GABRB2: variants seen among roughly 807,000 people sequenced by gnomAD.
GABRB2 encodes the protein gamma-aminobutyric acid receptor subunit beta-2.
A neutral mutation model predicts 54.7 loss-of-function variants in GABRB2; 16 were observed. That is an observed-to-expected ratio of 0.29 (90% CI 0.20 to 0.44). The LOEUF is 0.44. Among genes scored for constraint, GABRB2 ranks in the 20% least tolerant of loss-of-function variants. The pLI, the probability that GABRB2 is intolerant of heterozygous loss-of-function variation, is 1.00. For missense variants in GABRB2, 355 were observed against 644.0 expected, an observed-to-expected ratio of 0.55 and a Z score of 4.86; for synonymous variants, 244 against 233.8, an observed-to-expected ratio of 1.04 and a Z score of -0.40.
At chr5:161,504,146 A>T (rs2113385978) in intron 3 of GABRB2, among the ~76,000 whole-genome samples, 1 of 152,324 alleles carries the variant, frequency 6.6e-6, no homozygotes, top group Middle Eastern at 3.4e-3. Context: ...TGATGAATCA[A>T]GTAGACCAAA....
chr5:161,419,058 T>C (rs1756769624), intron 4 of GABRB2, among the ~76,000 whole-genome samples: 1 of 152,052 alleles, frequency 6.6e-6, no homozygotes, highest in Admixed American at 6.6e-5. Context: ...GCCTTGGAGA[T>C]CAAGGCTGCA....
chr5:161,528,184 T>C (rs961340463), intron 3 of GABRB2, among the ~76,000 whole-genome samples: 1 of 151,744 alleles, frequency 6.6e-6, no homozygotes, highest in African/African-American at 2.4e-5. Flanking sequence ...AAAATCATAT[T>C]TGAAACACAA....
chr5:161,500,984 C>T (rs749104935), intron 3 of GABRB2, among the ~76,000 whole-genome samples: 80 of 152,196 alleles, frequency 5.3e-4, no homozygotes, highest in South Asian at 1.0e-3. Context: ...TCCCTCCCCC[C>T]TCCTCCCACC....
chr5:161,364,352 G>A (rs1015046822), intron 5 of GABRB2, among the ~76,000 whole-genome samples: 15 of 152,054 alleles, frequency 9.9e-5, no homozygotes, highest in Non-Finnish European at 2.2e-4. Flanking sequence ...AAGAGTATAC[G>A]ATATAGTTTT....
chr5:161,331,193 G>T (rs1753827582), intron 7 of GABRB2, 66 bp from the exon 8 acceptor site: 18 of 1,482,162 alleles, frequency 1.2e-5, no homozygotes, highest in Non-Finnish European at 1.6e-5. Context: ...TTAATAGCTG[G>T]AAAGGTGATC....
intron 4 of GABRB2, among the ~76,000 whole-genome samples, chr5:161,426,788 C>T (rs2113161512): frequency 6.6e-6 from 1 of 152,104 alleles, no homozygotes; most frequent in African/African-American, 2.4e-5. Context: ...GAAGCACTAA[C>T]AATATTATAG....
At chr5:161,476,147 T>C (rs1016670975) in intron 3 of GABRB2, among the ~76,000 whole-genome samples, 2 of 151,818 alleles carry the variant, frequency 1.3e-5, no homozygotes, top group African/African-American at 4.8e-5. Flanking sequence ...AAACTAACGA[T>C]GAGAAATACA....
chr5:161,366,336 CTA>C (rs1307490747), intron 5 of GABRB2, among the ~76,000 whole-genome samples: 1 of 152,040 alleles, frequency 6.6e-6, no homozygotes, highest in East Asian at 1.9e-4. Flanking sequence ...CTAAGGGTTT[CTA>C]TGTTTCCATT....
intron 4 of GABRB2, among the ~76,000 whole-genome samples, chr5:161,430,079 C>T (rs759087112): frequency 6.6e-6 from 1 of 151,650 alleles, no homozygotes; most frequent in South Asian, 2.1e-4. Context: ...GTTAAGCAGC[C>T]CTTGATAAAA....
chr5:161,344,601 T>C (rs1754263778), intron 5 of GABRB2, among the ~76,000 whole-genome samples: 1 of 151,914 alleles, frequency 6.6e-6, no homozygotes, highest in African/African-American at 2.4e-5. Context: ...ATGGTTGGAG[T>C]GTAAATTAGA....
Position 161,291,915 on chromosome 5 carries a change from A to G in GABRB2, c.*2166T>C, listed in dbSNP as rs1757249069. ...TACCCCCTGTTGACAAGGGGCAGGC[A>G]CTTTACTTAGTGTGATGCCCCAAAA... On this transcript the variant is annotated 3_prime_UTR_variant, in exon 10 of 10. Coordinates refer to ENST00000393959, the MANE Select transcript of GABRB2 (RefSeq NM_001371727.1). The G allele has an allele frequency of 6.6e-6, 1 of 152,140 alleles. No homozygotes were observed. Among genetic ancestry groups the G allele is most frequent in the Admixed American group, 6.6e-5 (1 of 15,252 alleles). 9.4% of individuals were successfully genotyped at this position (152,140 alleles called of 1,614,324 possible).
intron 7 of GABRB2, among the ~76,000 whole-genome samples, chr5:161,331,513 G>A (rs1174479695): frequency 2.0e-5 from 3 of 152,072 alleles, no homozygotes; most frequent in South Asian, 4.1e-4. Flanking sequence ...GCTGATTTCT[G>A]AAAAATGAGT....
chr5:161,439,695 T>C (rs925825751), intron 4 of GABRB2, among the ~76,000 whole-genome samples: 2 of 152,190 alleles, frequency 1.3e-5, no homozygotes, highest in Non-Finnish European at 2.9e-5. Flanking sequence ...ATTAGTTTTC[T>C]TTTTGCTTGT....
Position 161,294,146 on chromosome 5 carries a change from G to A in GABRB2, c.1474C>T (p.Arg492Cys). 1.2e-6 allele frequency: 2 copies of A among 1,614,056 alleles called. No individual in the cohort carries two copies. The highest frequency in any genetic ancestry group is 1.7e-6 in the Non-Finnish European group (2 of 1,179,964). The stretch of plus-strand genomic sequence containing the variant: ...GAAAAAACCACTGGGAAGAATATGC[G>A]GGACCACCGATCTATGGCATTCACA... ...TDVNAIDRWS[R>C]IFFPVVFSFF... The change falls in exon 10 of 10, where the codon CGC (arginine) becomes TGC (cysteine). Residue 492 changes from arginine to cysteine, a missense_variant. By Grantham distance (180) the Arg-to-Cys change is radical (BLOSUM62 -3). This residue lies in a region of GABRB2 where 201 missense variants were observed against 228.1 expected (regional missense o/e 0.88). Coordinates refer to ENST00000393959, the MANE Select transcript of GABRB2 (RefSeq NM_001371727.1).
At chr5:161,391,647 C>A (rs558198218) in intron 5 of GABRB2, among the ~76,000 whole-genome samples, 1 of 152,090 alleles carries the variant, frequency 6.6e-6, no homozygotes, top group East Asian at 1.9e-4. Flanking sequence ...AAAATGGGGA[C>A]AACAAATTAA....
chr5:161,324,746 A>G (rs771995711), intron 9 of GABRB2, among the ~76,000 whole-genome samples: 76 of 152,302 alleles, frequency 5.0e-4, no homozygotes, highest in Middle Eastern at 3.4e-3. Context: ...GTGTGAACTT[A>G]AAAGAGGACT....
intron 3 of GABRB2, among the ~76,000 whole-genome samples, chr5:161,478,396 T>C (rs1469086741): frequency 1.3e-5 from 2 of 152,036 alleles, no homozygotes; most frequent in East Asian, 1.9e-4. Context: ...TTTGACCAGA[T>C]ATGGTAAATC....
chr5:161,451,075 G>A (rs554920574), intron 4 of GABRB2, among the ~76,000 whole-genome samples: 19 of 152,262 alleles, frequency 1.2e-4, no homozygotes, highest in African/African-American at 4.1e-4. Flanking sequence ...ATTTCAGTGT[G>A]AGATGACTAC....
chr5:161,360,602 A>C (rs1000008969), intron 5 of GABRB2, among the ~76,000 whole-genome samples: 2 of 152,178 alleles, frequency 1.3e-5, no homozygotes, highest in African/African-American at 2.4e-5. Flanking sequence ...AAATCTTTGA[A>C]ATAAGGGAAA....
Sources: allele counts gnomAD v4.1 joint callset (sites outside exome capture counted in the v4.1 genomes callset), GRCh38; gene constraint gnomAD v4.1.1; regional missense constraint gnomAD v4.1.1; transcripts MANE v1.5; gene names NCBI Gene and HGNC (gene_info 2026-07-23, HGNC 2026-07-21).